USP35: variants seen among roughly 807,000 people sequenced by gnomAD.
USP35 encodes the protein ubiquitin specific peptidase 35.
A neutral mutation model predicts 83.8 loss-of-function variants in USP35; 69 were observed. The ratio of observed to expected loss-of-function variants is 0.82; its 90% confidence interval spans 0.68 to 1.01. The LOEUF (loss-of-function observed/expected upper bound fraction) is 1.01. Ranked by LOEUF, USP35 falls within the 50% of genes least tolerant of loss-of-function variation. The pLI is 0.00. For missense variants in USP35, 1,503 were observed against 1,362.5 expected, an observed-to-expected ratio of 1.10 and a Z score of -1.62; for synonymous variants, 714 against 589.5, an observed-to-expected ratio of 1.21 and a Z score of -3.06.
rs1863949594 is a variant in USP35 at position 78,214,132 on chromosome 11, G to A, written c.*319G>A. On this transcript the variant is annotated 3_prime_UTR_variant, in exon 11 of 11. Transcript: ENST00000529308. ...ATGCGGGAAGATCTGATGATGTTCA[G>A]GAAACAGGCTAGACCTCAGCTCCAA... 2 of 275,770 alleles carry A rather than the reference G, an allele frequency of 7.3e-6. No homozygotes were observed. The highest frequency in any genetic ancestry group is 4.5e-5 in the African/African-American group (2 of 44,582). 17.1% of individuals were successfully genotyped at this position (275,770 alleles called of 1,614,324 possible). A position where few individuals can be genotyped will look rare whatever the true frequency, so the allele number is the denominator to read the frequency against.
chr11:78,223,388 G>A, the USP35 span: 1 of 1,499,826 alleles, frequency 6.7e-7, no homozygotes, highest in African/African-American at 1.4e-5. Context: ...TCCAGAGATG[G>A]GACAGGGGAA....
At chr11:78,205,367 C>T (rs111664208) in intron 6 of USP35, among the ~76,000 whole-genome samples, 6,798 of 152,316 alleles carry the variant, frequency 0.045, 212 homozygotes, top group Non-Finnish European at 0.07. Context: ...GTAGGAGTAT[C>T]ATCACTTGAC....
the USP35 span, chr11:78,225,273 C>T: frequency 1.0e-6 from 1 of 1,003,508 alleles, no homozygotes; most frequent in Non-Finnish European, 1.6e-6. Flanking sequence ...ATACCCTCAC[C>T]AGTGTGGTTC....
chr11:78,202,651 T>C (rs187151408), intron 6 of USP35, among the ~76,000 whole-genome samples: 1 of 152,356 alleles, frequency 6.6e-6, no homozygotes, highest in Admixed American at 6.5e-5. Flanking sequence ...TTGGATCTTC[T>C]CAGTTTTTCA....
At chr11:78,194,598 A>G (rs1232265877) in intron 1 of USP35, among the ~76,000 whole-genome samples, 1 of 152,210 alleles carries the variant, frequency 6.6e-6, no homozygotes, top group Non-Finnish European at 1.5e-5. Flanking sequence ...TAAGAGAGCA[A>G]GCTGTGCCCA....
intron 1 of USP35, among the ~76,000 whole-genome samples, chr11:78,190,382 T>C (rs2137018716): frequency 6.6e-6 from 1 of 152,304 alleles, no homozygotes; most frequent in East Asian, 1.9e-4. Flanking sequence ...TTTCAGGGTT[T>C]TTGATATGCA....
Position 78,214,318 on chromosome 11 carries a change from C to T in USP35, c.*505C>T, listed in dbSNP as rs903278120. On this transcript the variant is annotated 3_prime_UTR_variant, in exon 11 of 11. Coordinates refer to ENST00000529308, the MANE Select transcript of USP35 (RefSeq NM_020798.4). The stretch of plus-strand genomic sequence containing the variant: ...GTGGGGGGTACCTGCACTGTCTGTA[C>T]CTTTCTGAGAAGAACAGAGACCGAG... 1 of 139,964 alleles carries T rather than the reference C, an allele frequency of 7.1e-6. No homozygotes were observed. Among genetic ancestry groups the T allele is most frequent in the Non-Finnish European group, 1.5e-5 (1 of 67,086 alleles). 8.7% of individuals were successfully genotyped at this position (139,964 alleles called of 1,614,324 possible).
At chr11:78,191,426 A>C (rs1863001248) in intron 1 of USP35, among the ~76,000 whole-genome samples, 1 of 152,104 alleles carries the variant, frequency 6.6e-6, no homozygotes, top group South Asian at 2.1e-4. Flanking sequence ...GCTTGGGAGG[A>C]GCAGCAGCGC....
At position 78,200,292 on chromosome 11, in the gene USP35, G is replaced by C. The variant is rs2101309; in HGVS notation, c.1038+58G>C. 7 of 1,552,302 alleles carry C rather than the reference G, an allele frequency of 4.5e-6. No individual in the cohort carries two copies. The African/African-American group carries it at 5.5e-5, about 12-fold the overall frequency. On this transcript the variant is annotated intron_variant, in intron 5 of 10. Coordinates refer to ENST00000529308, the MANE Select transcript of USP35 (RefSeq NM_020798.4). The stretch of plus-strand genomic sequence containing the variant: ...CCCCTGCCTGCTGCCCCTGGTAAGG[G>C]CCCTGCCTACTGCCCCTGGTAAGGG...
At chr11:78,206,138 C>A in intron 7 of USP35, 103 bp downstream of exon 7, 1 of 1,376,454 alleles carries the variant, frequency 7.3e-7, no homozygotes, top group Non-Finnish European at 1.0e-6. Context: ...AGAGGGTGGG[C>A]CTTGCTTTGC....
At position 78,209,680 on chromosome 11, in the gene USP35, C is replaced by T. The variant is rs755929473; in HGVS notation, c.1825C>T (p.Arg609Cys). Residue 609 changes from arginine (R) to cysteine (C), a missense_variant, in exon 10 of 11, where the codon CGC becomes TGC. By Grantham distance (180) the Arg-to-Cys change is radical. Coordinates refer to ENST00000529308, the MANE Select transcript of USP35 (RefSeq NM_020798.4). ...AFPPPERCRR[R>C]RLGSVMRPTE... ...CCCTCCTCCTGAGCGCTGTCGCCGC[C>T]GCCGCCTGGGCTCTGTGATGCGCCC... 42 of 1,613,842 alleles carry T rather than the reference C, an allele frequency of 2.6e-5. 1 individual carries two copies. Among genetic ancestry groups the T allele is most frequent in the Middle Eastern group, 1.6e-4 (1 of 6,084 alleles).
At chr11:78,191,841 CTTTTTT>C (rs1215811595) in intron 1 of USP35, among the ~76,000 whole-genome samples, 1 of 133,466 alleles carries the variant, frequency 7.5e-6, no homozygotes. Flanking sequence ...CGGCCCTCAT[CTTTTTT>C]TTTTTTTTTT....
intron 4 of USP35, 70 bp from the exon 5 acceptor site, chr11:78,200,063 T>C: frequency 6.5e-7 from 1 of 1,543,792 alleles, no homozygotes; most frequent in Non-Finnish European, 9.0e-7. Flanking sequence ...GAGTCCCCTC[T>C]CAGGCTTGTG....
At chr11:78,200,895 T>G in intron 6 of USP35, 87 bp downstream of exon 6, 2 of 1,497,536 alleles carry the variant, frequency 1.3e-6, no homozygotes, top group Non-Finnish European at 1.8e-6. Context: ...CACAGCTTGG[T>G]GGCAGTCCCC....
the USP35 span, among the ~76,000 whole-genome samples, chr11:78,230,699 C>T: frequency 6.6e-6 from 1 of 152,218 alleles, no homozygotes; most frequent in Non-Finnish European, 1.5e-5. Context: ...CCTCAGTAAC[C>T]AAGTAAGAGG....
rs1009121524 is a variant in USP35, at chr11:78,214,874, G to GGACT, written c.*1070_*1073dup. On this transcript the variant is annotated 3_prime_UTR_variant, in exon 11 of 11. Coordinates refer to ENST00000529308, the MANE Select transcript of USP35 (RefSeq NM_020798.4). ...TGAAGTGGGGTGTAAGTAAACGTGT[G>GGACT]GACTGACTGACTTACTTACCTTACT... is the stretch of plus-strand genomic sequence containing the variant. Among the ~76,000 whole-genome samples, 13 of 137,606 alleles carry GGACT rather than the reference G, an allele frequency of 9.4e-5. No homozygotes were observed. The highest frequency in any genetic ancestry group is 1.4e-4 in the Non-Finnish European group (9 of 65,758). The allele number at this position is 137,606 out of a possible 152,430, so 90.3% of individuals were successfully genotyped here.
chr11:78,196,566 T>C lies in USP35; in HGVS notation c.321T>C (p.Gly107=). The change falls in exon 2 of 11, where the codon GGT becomes GGC. Residue 107 remains glycine (G), a synonymous_variant. Coordinates refer to ENST00000529308, the MANE Select transcript of USP35 (RefSeq NM_020798.4). This position sits in a 1 kb window ranked among gnomAD's most constrained non-coding sequence, Gnocchi z 4.8. ...GPRALACVQL[G]LQLLPEGPAA... ...GCGCGCTCGCCTGCGTGCAGCTGGG[T>C]CTGCAGCTGCTGCCCGAGGGGCCTG... 4 of 1,243,294 alleles carry C rather than the reference T, an allele frequency of 3.2e-6. No individual in the cohort carries two copies. Among genetic ancestry groups the C allele is most frequent in the Non-Finnish European group, 4.0e-6 (4 of 990,642 alleles). The allele number at this position is 1,243,294 out of a possible 1,614,324, so 77.0% of individuals were successfully genotyped here. A position where few individuals can be genotyped will look rare whatever the true frequency, so the allele number is the denominator to read the frequency against.
chr11:78,210,428 C>T lies in USP35; in HGVS notation c.2573C>T (p.Ser858Leu), dbSNP rs745522308. 63 of 1,613,992 alleles carry T rather than the reference C, an allele frequency of 3.9e-5. No individual in the cohort carries two copies. Among genetic ancestry groups the T allele is most frequent in the Non-Finnish European group, 4.7e-5 (56 of 1,180,042 alleles). The change falls in exon 10 of 11, where the codon TCG becomes TTG. Residue 858 changes from serine (S) to leucine (L), a missense_variant. Coordinates refer to ENST00000529308, the MANE Select transcript of USP35 (RefSeq NM_020798.4). ...CSVVVHSGVS[S>L]ESGHYYCYAR... is the part of the protein sequence containing the mutation. Reference sequence around the variant, plus strand: ...GTGGTGGTGCACTCTGGAGTGTCTTCGGAGAGTGGTCACTACTACTGCTAT... The same window carrying T: ...GTGGTGGTGCACTCTGGAGTGTCTTTGGAGAGTGGTCACTACTACTGCTAT...
chr11:78,219,818 A>G (rs1481854523), downstream of USP35, among the ~76,000 whole-genome samples: 1 of 152,006 alleles, frequency 6.6e-6, no homozygotes, highest in Non-Finnish European at 1.5e-5. Flanking sequence ...GCTCACTGCC[A>G]CCCTGTGAAG....
Sources: gnomAD v4.1 joint callset for allele counts (sites outside exome capture counted in the v4.1 genomes callset) on GRCh38, gnomAD v4.1.1 for gene constraint, Gnocchi (gnomAD v3.1) non-coding constraint, MANE v1.5 for transcripts, NCBI Gene and HGNC (gene_info 2026-07-23, HGNC 2026-07-21) for gene names.